Variants in PDXDC1 observed in about 807,000 individuals in gnomAD.
PDXDC1 encodes the protein pyridoxal-dependent decarboxylase domain-containing protein 1.
PDXDC1 carries 42 observed loss-of-function variants against 100.1 expected under a neutral mutation model. That is an observed-to-expected ratio of 0.42 (90% CI 0.33 to 0.54). The LOEUF (loss-of-function observed/expected upper bound fraction) is 0.54, where lower values mean the gene tolerates loss of function less well. Ranked by LOEUF, PDXDC1 falls within the 20% of genes least tolerant of loss-of-function variation. The pLI, the probability that PDXDC1 is intolerant of heterozygous loss-of-function variation, is 0.10. For missense variants in PDXDC1, 636 were observed against 979.2 expected (o/e 0.65, Z 4.68); for synonymous variants, 260 against 371.7 (o/e 0.70, Z 3.46).
intron 16 of PDXDC1, among the ~76,000 whole-genome samples, chr16:15,100,492 G>T (rs1157417299): frequency 6.6e-6 from 1 of 152,114 alleles, no homozygotes; most frequent in Non-Finnish European, 1.5e-5. Flanking sequence ...GAGATTTTGG[G>T]CCAACCAGAT....
intron 1 of PDXDC1, among the ~76,000 whole-genome samples, chr16:14,977,129 A>C (rs1207106320): frequency 6.6e-6 from 1 of 152,220 alleles, no homozygotes; most frequent in Non-Finnish European, 1.5e-5. Context: ...AGAGGGACTG[A>C]AATTCCAGTG....
intron 1 of PDXDC1, chr16:14,989,388 A>G (rs1225439748): frequency 6.2e-7 from 1 of 1,610,224 alleles, no homozygotes; most frequent in Non-Finnish European, 8.5e-7. Context: ...CAGGTGCACC[A>G]ACCCAGTGGG....
chr16:15,000,500 A>C lies in PDXDC1; in HGVS notation c.162-1276A>C, dbSNP rs370532569. Among the ~76,000 whole-genome samples the C allele has an allele frequency of 7.2e-5, 11 of 152,410 alleles. No homozygotes were observed. In the East Asian group the frequency reaches 2.1e-3, roughly 29 times the overall value. On this transcript the variant is annotated intron_variant, in intron 3 of 22. Transcript: ENST00000396410. ...CACCTTGGGGACAATTGGTTTGGGGACACTGTTTTGATGGCGCTTCCTTTG... is the reference window on the plus strand; with the variant it reads ...CACCTTGGGGACAATTGGTTTGGGGCCACTGTTTTGATGGCGCTTCCTTTG...
downstream of PDXDC1, among the ~76,000 whole-genome samples, chr16:15,139,713 C>T (rs557096842): frequency 4.6e-5 from 7 of 151,946 alleles, no homozygotes; most frequent in East Asian, 1.9e-4. Flanking sequence ...CCAGGGAGGT[C>T]GAGGCTGCAG....
At chr16:15,068,361 C>T (rs1366147202) in intron 16 of PDXDC1, 4 of 1,465,480 alleles carry the variant, frequency 2.7e-6, no homozygotes, top group African/African-American at 2.9e-5. Context: ...CAAATTATCA[C>T]ACATTTAAAA....
downstream of PDXDC1, among the ~76,000 whole-genome samples, chr16:15,041,458 GAGGGCA>G (rs1327364972): frequency 2.0e-5 from 3 of 152,126 alleles, no homozygotes; most frequent in Non-Finnish European, 4.4e-5. Flanking sequence ...GATGGTGGAC[GAGGGCA>G]AGGGGAAGGG....
intron 16 of PDXDC1, among the ~76,000 whole-genome samples, chr16:15,095,025 A>T (rs187864166): frequency 6.6e-6 from 1 of 152,022 alleles, no homozygotes; most frequent in East Asian, 1.9e-4. Flanking sequence ...TTTAGTGGAG[A>T]CGGGGTTGCA....
At chr16:15,144,048 C>T (rs906368093), downstream of PDXDC1, among the ~76,000 whole-genome samples, 8 of 152,196 alleles carry the variant, frequency 5.3e-5, no homozygotes, top group Admixed American at 2.0e-4. Context: ...CAGGACAGGA[C>T]GCCAGACCCA....
intron 16 of PDXDC1, among the ~76,000 whole-genome samples, chr16:15,071,471 T>G (rs2045225492): frequency 1.3e-5 from 2 of 152,114 alleles, no homozygotes; most frequent in Admixed American, 6.5e-5. Context: ...TAGCTAAGCA[T>G]CACAATCAAC....
At chr16:15,076,963 T>G (rs994512068) in intron 16 of PDXDC1, among the ~76,000 whole-genome samples, 2 of 149,316 alleles carry the variant, frequency 1.3e-5, no homozygotes, top group South Asian at 4.3e-4. Context: ...TCTGGCTCTG[T>G]GTCCCCACCC....
At chr16:15,137,855 T>G in intron 16 of PDXDC1, 2 of 1,278,212 alleles carry the variant, frequency 1.6e-6, no homozygotes, top group East Asian at 2.4e-5. Flanking sequence ...CCGCACCTGC[T>G]GCTCCTCCGC....
chr16:14,982,904 G>A (rs1035959552), intron 1 of PDXDC1, among the ~76,000 whole-genome samples: 1 of 152,264 alleles, frequency 6.6e-6, no homozygotes, highest in Non-Finnish European at 1.5e-5. Context: ...CACTATTCAG[G>A]ATTTACCTTG....
intron 16 of PDXDC1, chr16:15,086,497 A>C: frequency 2.5e-6 from 4 of 1,607,866 alleles, no homozygotes; most frequent in Non-Finnish European, 3.4e-6. Flanking sequence ...CAAATCCTCT[A>C]ACATAACAGA....
At chr16:15,023,766 C>T (rs1396239172) in intron 13 of PDXDC1, among the ~76,000 whole-genome samples, 2 of 152,290 alleles carry the variant, frequency 1.3e-5, no homozygotes, top group Non-Finnish European at 2.9e-5. Context: ...GAGTTCTATC[C>T]TTGGACGAGG....
In PDXDC1 at chr16:15,030,039, C is replaced by G. The variant is rs749652762; in HGVS notation, c.1382C>G (p.Pro461Arg). Residue 461 changes from proline (P) to arginine (R), a missense_variant, in exon 16 of 23, where the codon CCT becomes CGT. Transcript: ENST00000396410. ...EAEGTCLRFS[P>R]LMTAAVLGTR... ...GAGGGCACGTGTTTGCGGTTCAGCC[C>G]TTTGATGACCGCAGCAGGTAAACCA... The G allele has an allele frequency of 6.4e-7, 1 of 1,553,524 alleles. No homozygotes were observed. The highest frequency in any genetic ancestry group is 1.2e-5 in the South Asian group (1 of 84,114).
intron 16 of PDXDC1, among the ~76,000 whole-genome samples, chr16:15,058,662 G>C (rs1430997469): frequency 2.6e-5 from 4 of 152,040 alleles, no homozygotes; most frequent in African/African-American, 4.8e-5. Context: ...AGGAGGCGGA[G>C]GTTGCAGTTG....
chr16:15,011,413 T>C (rs1305322307), intron 8 of PDXDC1, among the ~76,000 whole-genome samples: 2 of 152,290 alleles, frequency 1.3e-5, no homozygotes, highest in East Asian at 3.8e-4. Context: ...TAACTATAAA[T>C]GGTTCATCAA....
the PDXDC1 span, among the ~76,000 whole-genome samples, chr16:15,146,355 C>T: frequency 6.6e-6 from 1 of 152,208 alleles, no homozygotes; most frequent in African/African-American, 2.4e-5. Flanking sequence ...AAGGATGCAG[C>T]AGGGTCCGCA....
At position 15,094,272 on chromosome 16, in the gene PDXDC1, T is replaced by G. The variant is rs756873422; in HGVS notation, c.1400-44607T>G. 4 of 1,471,510 alleles carry G rather than the reference T, an allele frequency of 2.7e-6. No individual in the cohort carries two copies. The African/African-American group carries it at 5.6e-5, about 21-fold the overall frequency. The allele number at this position is 1,471,510 out of a possible 1,614,324, so 91.2% of individuals were successfully genotyped here. The stretch of plus-strand genomic sequence containing the variant: ...CGCGACCGCTGCGCCTCAGGCCGGA[T>G]GCCCAGCTCCTTCCAGCCACAGCCT... On this transcript the variant is annotated intron_variant, in intron 16 of 16. Coordinates refer to the PDXDC1 transcript ENST00000535621.
Sources: allele counts gnomAD v4.1 joint callset (sites outside exome capture counted in the v4.1 genomes callset), GRCh38; gene constraint gnomAD v4.1.1; transcripts MANE v1.5; gene names NCBI Gene and HGNC (gene_info 2026-07-23, HGNC 2026-07-21).